The following TNMD variants were observed in gnomAD, a reference collection of about 807,000 sequenced individuals.
TNMD encodes the protein tenomodulin.
In TNMD, 15 loss-of-function variants were observed where a neutral mutation model predicts 26.9. The observed-to-expected ratio is 0.56, with a 90% CI of 0.37 to 0.86. The LOEUF (loss-of-function observed/expected upper bound fraction) is 0.86, where lower values mean the gene tolerates loss of function less well. TNMD is among the 40% of genes least tolerant of loss of function. TNMD has a pLI of 0.00. For synonymous variants in TNMD, 73 were observed against 77.0 expected (o/e 0.95, Z 0.27); for missense variants, 222 against 242.6 (o/e 0.92, Z 0.56).
intron 1 of TNMD, 42 bp from the exon 2 acceptor site, chrX:100,585,189 G>T: frequency 8.4e-7 from 1 of 1,197,510 alleles, no homozygotes. Flanking sequence ...TGCTTATTGA[G>T]ATTTATTGTG....
At chrX:100,587,964 G>A (rs1173503332) in intron 2 of TNMD, among the ~76,000 whole-genome samples, 1 of 111,708 alleles carries the variant, frequency 9.0e-6, no homozygotes, top group East Asian at 2.8e-4. Flanking sequence ...TTGGTAGAGA[G>A]AGCTGTGCAT....
At chrX:100,594,065 T>G in intron 3 of TNMD, 30 bp downstream of exon 3, 1 of 1,184,495 alleles carries the variant, frequency 8.4e-7, no homozygotes, top group Non-Finnish European at 1.1e-6. Context: ...CCTAAGGCTT[T>G]CCACTTAAAA....
intron 2 of TNMD, chrX:100,593,284 T>G: frequency 1.4e-6 from 1 of 719,282 alleles, no homozygotes; most frequent in Non-Finnish European, 1.6e-6. Flanking sequence ...GAATATGGCT[T>G]GGGAAACAGA....
At position 100,599,494 on chromosome X, in the gene TNMD, T is replaced by G. The variant is rs1019632739; in HGVS notation, c.745-14T>G. ...TCCTCTCCCACCCCCAACACTGGCT[T>G]CTTCTTCTTTCAGACTGAAAATGGA... On this transcript the variant is annotated splice_polypyrimidine_tract_variant and intron_variant, in intron 6 of 6. Transcript: ENST00000373031. 5 of 1,191,122 alleles carry G rather than the reference T, an allele frequency of 4.2e-6. No individual in the cohort carries two copies. Among genetic ancestry groups the G allele is most frequent in the African/African-American group, 3.5e-5 (2 of 56,596 alleles).
chrX:100,594,189 C>G (rs1003128826), intron 3 of TNMD, 72 bp from the exon 4 acceptor site: 37 of 978,512 alleles, frequency 3.8e-5, no homozygotes, highest in Non-Finnish European at 5.0e-5. Context: ...AGTCTGGGAC[C>G]CCAACAGATC....
At chrX:100,586,265 G>A (rs766025424) in intron 2 of TNMD, among the ~76,000 whole-genome samples, 1 of 112,369 alleles carries the variant, frequency 8.9e-6, no homozygotes, top group African/African-American at 3.2e-5. Context: ...TGTGTGGATT[G>A]CTGCTGAAGT....
rs368264185 is a variant in TNMD, at chrX:100,594,256, T to C, written c.322-5T>C. The C allele has an allele frequency of 3.4e-6, 4 of 1,170,370 alleles. No individual in the cohort carries two copies. Among genetic ancestry groups the C allele is most frequent in the Non-Finnish European group, 4.6e-6 (4 of 867,501 alleles). On this transcript the variant is annotated splice_polypyrimidine_tract_variant and splice_region_variant and intron_variant, in intron 3 of 6. Coordinates refer to ENST00000373031, the MANE Select transcript of TNMD (RefSeq NM_022144.3). ...AGCTTTATTGTTGTTTTGTCTGTTTTATAGGGATACACTGGCATCTACTTC... is the reference window on the plus strand; with the variant it reads ...AGCTTTATTGTTGTTTTGTCTGTTTCATAGGGATACACTGGCATCTACTTC...
intron 2 of TNMD, among the ~76,000 whole-genome samples, chrX:100,591,516 G>A (rs973210076): frequency 4.5e-5 from 5 of 111,739 alleles, no homozygotes; most frequent in African/African-American, 1.6e-4. Context: ...GGACCCAGGC[G>A]AGACAGTGTG....
At position 100,585,362 on chromosome X, in the gene TNMD, A is replaced by G. The variant is rs1413012566; in HGVS notation, c.180A>G (p.Lys60=). 8.3e-7 allele frequency: 1 copy of G among 1,209,838 alleles called. No individual in the cohort carries two copies. The highest frequency in any genetic ancestry group is 1.1e-6 in the Non-Finnish European group (1 of 894,620). ...ACTTCTGGCCGGAGGTACCCAAAAAAGTAAGTAAATACACATCATAATCTG... is the reference window on the plus strand; with the variant it reads ...ACTTCTGGCCGGAGGTACCCAAAAAGGTAAGTAAATACACATCATAATCTG... ...SKHFWPEVPK[K]AYDMEHTFYS... The change falls in exon 2 of 7, where the codon AAA becomes AAG. Residue 60 remains lysine, a splice_region_variant and synonymous_variant. Coordinates refer to ENST00000373031, the MANE Select transcript of TNMD (RefSeq NM_022144.3).
In TNMD at chrX:100,585,323, T is replaced by C; in HGVS notation, c.141T>C (p.Phe47=). 8.3e-7 allele frequency: 1 copy of C among 1,211,203 alleles called. No individual in the cohort carries two copies. The highest frequency in any genetic ancestry group is 1.1e-6 in the Non-Finnish European group (1 of 895,142). ...TGGCCCTAACTCTAATTGTCCTGTT[T>C]TGGGGGAGCAAGCACTTCTGGCCGG... is the stretch of plus-strand genomic sequence containing the variant. ...GILALTLIVL[F]WGSKHFWPEV... is the part of the protein sequence containing the mutation. The change falls in exon 2 of 7, where the codon TTT becomes TTC. Residue 47 remains phenylalanine, a synonymous_variant. Transcript: ENST00000373031.
chrX:100,593,621 A>C, intron 2 of TNMD: 2 of 203,170 alleles, frequency 9.8e-6, no homozygotes. Context: ...TGGAAAGGGA[A>C]GTGGTAGCTT....
At chrX:100,588,193 A>G (rs557774956) in intron 2 of TNMD, among the ~76,000 whole-genome samples, 2 of 111,798 alleles carry the variant, frequency 1.8e-5, no homozygotes, top group African/African-American at 6.5e-5. Flanking sequence ...TGTACAAAAG[A>G]TCCAGATTCC....
intron 6 of TNMD, 84 bp from the exon 7 acceptor site, chrX:100,599,424 C>T: frequency 1.1e-6 from 1 of 879,478 alleles, no homozygotes; most frequent in Non-Finnish European, 1.6e-6. Context: ...CTCATACAGT[C>T]TTCTAGTTCT....
chrX:100,599,857 G>A lies in TNMD; in HGVS notation c.*140G>A. ...ACTTGTAGGTAATTCCTCTCTTCAT[G>A]TTCTAATAAACTTCTACATTATCAC... On this transcript the variant is annotated 3_prime_UTR_variant, in exon 7 of 7. Transcript: ENST00000373031. 5.8e-6 allele frequency: 3 copies of A among 520,853 alleles called. No homozygotes were observed. Among genetic ancestry groups the A allele is most frequent in the Non-Finnish European group, 9.5e-6 (3 of 316,594 alleles). The allele number at this position is 520,853 out of a possible 1,213,427, so 42.9% of individuals were successfully genotyped here. A position where few individuals can be genotyped will look rare whatever the true frequency, so the allele number is the denominator to read the frequency against.
chrX:100,597,887 C>T (rs750918939), intron 5 of TNMD, among the ~76,000 whole-genome samples: 10 of 112,009 alleles, frequency 8.9e-5, no homozygotes, highest in Non-Finnish European at 1.7e-4. Context: ...GGTAACACCA[C>T]CCTAATGTGA....
chrX:100,594,382 G>A lies in TNMD; in HGVS notation c.423+20G>A. 3.8e-6 allele frequency: 4 copies of A among 1,040,748 alleles called. No homozygotes were observed. Among genetic ancestry groups the A allele is most frequent in the Non-Finnish European group, 5.3e-6 (4 of 752,834 alleles). 85.8% of individuals were successfully genotyped at this position (1,040,748 alleles called of 1,213,427 possible). A position where few individuals can be genotyped will look rare whatever the true frequency, so the allele number is the denominator to read the frequency against. On this transcript the variant is annotated intron_variant, in intron 4 of 6. Transcript: ENST00000373031. ...GATGAGGTATGTAAGAAGAATAATT[G>A]TGGTGGCAAAAGACATCATTTATTG... is the stretch of plus-strand genomic sequence containing the variant.
rs2082945738 is a variant in TNMD, at chrX:100,594,021, C to T, written c.307C>T (p.His103Tyr). The change falls in exon 3 of 7, where the codon CAC becomes TAC. Residue 103 changes from histidine to tyrosine, a missense_variant. By Grantham distance (83) the His-to-Tyr change is moderately conservative (BLOSUM62 2). Transcript: ENST00000373031. The stretch of plus-strand genomic sequence containing the variant: ...TGGCACTGATGAAACATTGGAAGTG[C>T]ACGACTTTAAAAACGTAAGTTGGAT... ...GNGTDETLEV[H>Y]DFKNGYTGIY... The T allele has an allele frequency of 8.3e-7, 1 of 1,209,469 alleles. No individual in the cohort carries two copies. The highest frequency in any genetic ancestry group is 2.2e-5 in the Admixed American group (1 of 45,895).
At chrX:100,595,619 C>T (rs1197313372) in intron 4 of TNMD, among the ~76,000 whole-genome samples, 2 of 109,608 alleles carry the variant, frequency 1.8e-5, no homozygotes, top group Non-Finnish European at 3.8e-5. Flanking sequence ...TTTTTCTTTC[C>T]CTTACCCAAG....
intron 2 of TNMD, 51 bp downstream of exon 2, chrX:100,585,413 A>T (rs1380623895): frequency 4.5e-5 from 49 of 1,081,683 alleles, no homozygotes; most frequent in Non-Finnish European, 5.7e-5. Flanking sequence ...GTTTGATTGA[A>T]TTTAATTAGT....
Sources: allele counts gnomAD v4.1 joint callset (sites outside exome capture counted in the v4.1 genomes callset), GRCh38; gene constraint gnomAD v4.1.1; transcripts MANE v1.5; gene names NCBI Gene and HGNC (gene_info 2026-07-23, HGNC 2026-07-21).